Variants in C1orf21 observed in about 807,000 individuals in gnomAD.
C1orf21 encodes the protein uncharacterized protein C1orf21.
In C1orf21, 3 loss-of-function variants were observed where a neutral mutation model predicts 18.7. The observed-to-expected ratio is 0.16, with a 90% CI of 0.07 to 0.42. The LOEUF (loss-of-function observed/expected upper bound fraction) is 0.42. C1orf21 is among the 10% of genes least tolerant of loss of function. The probability of loss-of-function intolerance (pLI) is 0.99; values close to 1 mark genes in which losing one functional copy is unlikely to be tolerated. For synonymous variants in C1orf21, 41 were observed against 46.4 expected, an observed-to-expected ratio of 0.88 and a Z score of 0.47; for missense variants, 104 against 143.6, an observed-to-expected ratio of 0.72 and a Z score of 1.41.
At chr1:184,561,291 AGGCTTCAG>A (rs1257763381) in intron 3 of C1orf21, among the ~76,000 whole-genome samples, 1 of 152,146 alleles carries the variant, frequency 6.6e-6, no homozygotes, top group East Asian at 1.9e-4. Context: ...CCTAATTTTA[AGGCTTCAG>A]GGTGGAGCCA....
chr1:184,590,701 A>G, intron 3 of C1orf21, 38 bp from the exon 4 acceptor site: 1 of 1,559,132 alleles, frequency 6.4e-7, no homozygotes, highest in Non-Finnish European at 8.8e-7. Context: ...TGTGGATTCT[A>G]ATCCTGTCTT....
At chr1:184,588,041 G>A (rs999513372) in intron 3 of C1orf21, among the ~76,000 whole-genome samples, 3 of 152,218 alleles carry the variant, frequency 2.0e-5, no homozygotes, top group South Asian at 2.1e-4. Flanking sequence ...CAGGTTAGAC[G>A]GTTATCATGG....
chr1:184,556,541 A>G (rs1658882505), intron 3 of C1orf21, among the ~76,000 whole-genome samples: 1 of 152,186 alleles, frequency 6.6e-6, no homozygotes, highest in Non-Finnish European at 1.5e-5. Flanking sequence ...GGAACCCTCC[A>G]CCGTCTTGGC....
chr1:184,621,743 G>C lies in C1orf21; in HGVS notation c.*2187G>C, dbSNP rs891803401. 6.6e-6 allele frequency: 1 copy of C among 152,154 alleles called. No individual in the cohort carries two copies. Among genetic ancestry groups the C allele is most frequent in the African/African-American group, 2.4e-5 (1 of 41,432 alleles). The allele number at this position is 152,154 out of a possible 1,614,324, so 9.4% of individuals were successfully genotyped here. ...TTTTGACATGTTATACTTGCGCATA[G>C]ATCCAAGCGTTTCTTGGGAACCTGA... is the stretch of plus-strand genomic sequence containing the variant. On this transcript the variant is annotated 3_prime_UTR_variant, in exon 6 of 6. Transcript: ENST00000235307.
rs528345750 is a variant in C1orf21 at position 184,597,263 on chromosome 1, A to C, written c.267-1138A>C. 3.9e-5 allele frequency among the ~76,000 whole-genome samples: 6 copies of C among 152,360 alleles called. 2 individuals carry two copies. Among genetic ancestry groups the C allele is most frequent in the African/African-American group, 1.4e-4 (6 of 41,584 alleles). On this transcript the variant is annotated intron_variant, in intron 4 of 5. Coordinates refer to ENST00000235307, the MANE Select transcript of C1orf21 (RefSeq NM_030806.4). ...ACCATGACAATTGATTAATGGAATC[A>C]GATATGTACATTGTTTTCCTTTGAT...
chr1:184,462,960 T>C (rs1657329825), intron 1 of C1orf21, among the ~76,000 whole-genome samples: 1 of 151,564 alleles, frequency 6.6e-6, no homozygotes, highest in Non-Finnish European at 1.5e-5. Context: ...CAGGTGCCTG[T>C]AATCCCATTT....
At chr1:184,482,610 G>C (rs1657675028) in intron 2 of C1orf21, among the ~76,000 whole-genome samples, 1 of 152,162 alleles carries the variant, frequency 6.6e-6, no homozygotes, top group Non-Finnish European at 1.5e-5. Context: ...CCTTATTTAT[G>C]CTTTAAAAGC....
At chr1:184,588,851 T>C (rs1462452300) in intron 3 of C1orf21, among the ~76,000 whole-genome samples, 1 of 152,184 alleles carries the variant, frequency 6.6e-6, no homozygotes, top group African/African-American at 2.4e-5. Context: ...ACTGCTTTTC[T>C]TCCTGTTGCC....
intron 3 of C1orf21, among the ~76,000 whole-genome samples, chr1:184,557,244 G>GT (rs539746040): frequency 4.6e-4 from 70 of 152,140 alleles, no homozygotes; most frequent in Non-Finnish European, 6.9e-4. Flanking sequence ...GTGTATGTGT[G>GT]TTTTTTTCTT....
rs1027028958 is a variant in C1orf21, at chr1:184,436,895, A to G, written c.-124-40491A>G. Among the ~76,000 whole-genome samples, 6 of 152,214 alleles carry G rather than the reference A, an allele frequency of 3.9e-5. No homozygotes were observed. The South Asian group carries it at 6.2e-4, about 16-fold the overall frequency. ...TGATCATTTCAGATACTGATAACCA[A>G]CCATATCAGTAAAGTCAACAAATGG... On this transcript the variant is annotated intron_variant, in intron 1 of 5. Coordinates refer to ENST00000235307, the MANE Select transcript of C1orf21 (RefSeq NM_030806.4).
chr1:184,581,068 G>A (rs1002253083), intron 3 of C1orf21, among the ~76,000 whole-genome samples: 1 of 152,110 alleles, frequency 6.6e-6, no homozygotes, highest in Non-Finnish European at 1.5e-5. Context: ...CAAGTCGCTG[G>A]GTGATTAGAT....
intron 5 of C1orf21, among the ~76,000 whole-genome samples, chr1:184,609,535 G>T (rs757962009): frequency 1.3e-5 from 2 of 152,324 alleles, no homozygotes; most frequent in Middle Eastern, 3.4e-3. Flanking sequence ...TGAATCCTGG[G>T]GGAGGTGTGT....
At chr1:184,530,803 T>C (rs1019559175) in intron 3 of C1orf21, among the ~76,000 whole-genome samples, 3 of 152,108 alleles carry the variant, frequency 2.0e-5, no homozygotes, top group African/African-American at 7.2e-5. Context: ...GACTTCATGA[T>C]CACCCATACC....
intron 3 of C1orf21, among the ~76,000 whole-genome samples, chr1:184,530,680 T>C (rs1049917322): frequency 1.3e-4 from 19 of 151,258 alleles, no homozygotes; most frequent in Admixed American, 3.3e-4. Context: ...CATCAGCTAT[T>C]AGATTCATCA....
chr1:184,490,399 G>T (rs1442835876), intron 2 of C1orf21, among the ~76,000 whole-genome samples: 1 of 152,246 alleles, frequency 6.6e-6, no homozygotes, highest in African/African-American at 2.4e-5. Context: ...TAAAGCCTCA[G>T]CTGAGTCTTA....
At chr1:184,445,082 A>G (rs1398071726) in intron 1 of C1orf21, among the ~76,000 whole-genome samples, 1 of 152,154 alleles carries the variant, frequency 6.6e-6, no homozygotes, top group East Asian at 1.9e-4. Context: ...AGTAGAGACA[A>G]CGGTTGAGTT....
chr1:184,513,154 A>G (rs1292730482), intron 3 of C1orf21, among the ~76,000 whole-genome samples: 3 of 150,812 alleles, frequency 2.0e-5, no homozygotes, highest in South Asian at 2.1e-4. Context: ...CCTGGTGTCA[A>G]AAAGGTTGGG....
At chr1:184,553,554 T>C (rs1466401649) in intron 3 of C1orf21, among the ~76,000 whole-genome samples, 1 of 152,208 alleles carries the variant, frequency 6.6e-6, no homozygotes, top group Admixed American at 6.5e-5. Context: ...GGTTGGCTCT[T>C]TGGGCACCGT....
intron 5 of C1orf21, among the ~76,000 whole-genome samples, chr1:184,617,156 C>A (rs1659838688): frequency 6.6e-6 from 1 of 152,030 alleles, no homozygotes; most frequent in Non-Finnish European, 1.5e-5. Context: ...ATATTTTTTT[C>A]CATTTAATCC....
Sources: gnomAD v4.1 joint callset for allele counts (sites outside exome capture counted in the v4.1 genomes callset) on GRCh38, gnomAD v4.1.1 for gene constraint, MANE v1.5 for transcripts, NCBI Gene and HGNC (gene_info 2026-07-23, HGNC 2026-07-21) for gene names.